SMTN: variants seen among roughly 807,000 people sequenced by gnomAD.
SMTN encodes smoothelin.
In SMTN, 58 loss-of-function variants were observed where a neutral mutation model predicts 102.0. The observed-to-expected ratio is 0.57, with a 90% CI of 0.46 to 0.71. The LOEUF (loss-of-function observed/expected upper bound fraction) is 0.71. Among genes scored for constraint, SMTN ranks in the 30% least tolerant of loss-of-function variants. The pLI is 0.00. For synonymous variants in SMTN, 478 were observed against 497.9 expected (o/e 0.96, Z 0.53); for missense variants, 1,185 against 1,241.7 (o/e 0.95, Z 0.69).
chr22:31,084,940 C>T (rs1276143652), intron 2 of SMTN: 6 of 1,366,420 alleles, frequency 4.4e-6, no homozygotes, highest in Non-Finnish European at 5.6e-6. Context: ...GGCTCCTCCC[C>T]GCGGGGCCGG....
rs149227176 is a variant in SMTN, at chr22:31,099,863, G to A, written c.2570G>A (p.Arg857His). The change falls in exon 19 of 21, where the codon CGC (arginine) becomes CAC (histidine). Residue 857 changes from arginine to histidine, a missense_variant. Arg to His is a conservative substitution (Grantham distance 29, BLOSUM62 0). Coordinates refer to ENST00000333137, the MANE Select transcript of SMTN (RefSeq NM_134269.3). ...GGGCAGCTTAGCCCTCAGAACCGACGCCAGAACTTCGAGGTGGCCTTCTCA... is the reference window on the plus strand; with the variant it reads ...GGGCAGCTTAGCCCTCAGAACCGACACCAGAACTTCGAGGTGGCCTTCTCA... Reference protein sequence around the residue: ...DYGQLSPQNRRQNFEVAFSSA... With the variant: ...DYGQLSPQNRHQNFEVAFSSA... The A allele has an allele frequency of 2.7e-4, 430 of 1,613,896 alleles. No individual in the cohort carries two copies. Among genetic ancestry groups the A allele is most frequent in the Non-Finnish European group, 3.5e-4 (410 of 1,179,926 alleles).
intron 2 of SMTN, 70 bp downstream of exon 2, chr22:31,083,379 C>G: frequency 6.9e-7 from 1 of 1,455,870 alleles, no homozygotes; most frequent in Non-Finnish European, 9.1e-7. Flanking sequence ...ATCCAGGGTA[C>G]CTCTCAGCTG....
chr22:31,093,799 G>A lies in SMTN; in HGVS notation c.1633-1504G>A, dbSNP rs774685302. ...CCTCTTTCAGGCTGCCGAGGATGCC[G>A]GGACCCCCGTGGCCCACCCACCTGC... On this transcript the variant is annotated intron_variant, in intron 11 of 20. Coordinates refer to ENST00000333137, the MANE Select transcript of SMTN (RefSeq NM_134269.3). The A allele has an allele frequency of 1.2e-5, 19 of 1,593,360 alleles. No individual in the cohort carries two copies. The highest frequency in any genetic ancestry group is 4.5e-5 in the South Asian group (4 of 89,566).
intron 1 of SMTN, among the ~76,000 whole-genome samples, chr22:31,075,618 T>C (rs1316265345): frequency 6.6e-6 from 1 of 150,556 alleles, no homozygotes; most frequent in East Asian, 2.0e-4. Context: ...GAGGCAGGGG[T>C]TGCAGTGAGC....
chr22:31,090,142 A>G lies in SMTN; in HGVS notation c.827A>G (p.Gln276Arg). 6.2e-7 allele frequency: 1 copy of G among 1,612,728 alleles called. No homozygotes were observed. Among genetic ancestry groups the G allele is most frequent in the Non-Finnish European group, 8.5e-7 (1 of 1,179,326 alleles). ...LSGPKETPAA[Q>R]SPTRGPSDTK... ...GGCCCCAAAGAGACCCCTGCTGCCC[A>G]GAGCCCCACCAGAGGCCCCTCTGAC... Residue 276 changes from glutamine to arginine, a missense_variant, in exon 8 of 21, where the codon CAG (glutamine) becomes CGG (arginine). Physicochemically the swap from Gln to Arg is conservative, Grantham distance 43. This residue lies in a region of SMTN where 1,096 missense variants were observed against 1,112.7 expected (regional missense o/e 0.98). Transcript: ENST00000333137.
rs150644457 is a variant in SMTN at position 31,088,962 on chromosome 22, A to G, written c.464A>G (p.Gln155Arg). Residue 155 changes from glutamine to arginine, a missense_variant, in exon 6 of 21, where the codon CAG becomes CGG. Gln to Arg is a conservative substitution (Grantham distance 43). Transcript: ENST00000333137. ...SKGLAAHRLE[Q>R]CEVPEREEQE... ...GGGCTAGCGGCACACAGGCTGGAAC[A>G]GTGTGAGGTAAGGAGGGTGGGAGAG... The G allele has an allele frequency of 7.4e-6, 12 of 1,612,968 alleles. No individual in the cohort carries two copies. In the African/African-American group the frequency reaches 1.2e-4, roughly 16 times the overall value.
At position 31,091,327 on chromosome 22, in the gene SMTN, C is replaced by A; in HGVS notation, c.1304C>A (p.Ala435Glu). The A allele has an allele frequency of 6.2e-7, 1 of 1,605,794 alleles. No individual in the cohort carries two copies. The highest frequency in any genetic ancestry group is 8.5e-7 in the Non-Finnish European group (1 of 1,177,824). The change falls in exon 10 of 21, where the codon GCA becomes GAA. Residue 435 changes from alanine to glutamate, a missense_variant. Physicochemically the swap from Ala to Glu is moderately radical, Grantham distance 107. Around this residue, in one of 2 missense-constraint regions of SMTN, gnomAD observed 1,096 missense variants for 1,112.7 expected, o/e 0.98. Coordinates refer to ENST00000333137, the MANE Select transcript of SMTN (RefSeq NM_134269.3). ...PLENRAGGPV[A>E]RSEEPGAPLP... Reference sequence around the variant, plus strand: ...GAAAACAGAGCAGGGGGGCCTGTGGCACGTTCAGAGGAGCCTGGTGCCCCG... The same window carrying A: ...GAAAACAGAGCAGGGGGGCCTGTGGAACGTTCAGAGGAGCCTGGTGCCCCG...
At chr22:31,090,357 C>T (rs1391848664) in intron 8 of SMTN, among the ~76,000 whole-genome samples, 177 bp downstream of exon 8, 1 of 151,932 alleles carries the variant, frequency 6.6e-6, no homozygotes, top group Admixed American at 6.5e-5. Context: ...GCCAGCCTCC[C>T]CCTCCACCCC....
chr22:31,083,478 T>C, intron 2 of SMTN, 169 bp downstream of exon 2: 1 of 784,936 alleles, frequency 1.3e-6, no homozygotes, highest in Non-Finnish European at 2.0e-6. Flanking sequence ...CAGAGGCCCT[T>C]GTGGCATGTG....
Position 31,104,424 on chromosome 22 carries a change from C to G in SMTN, c.*129C>G. ...CCTATGTGCAGTCGCTCTACAACCACCTGCGACGCCACGAACTGCGCCTGC... is the reference window on the plus strand; with the variant it reads ...CCTATGTGCAGTCGCTCTACAACCAGCTGCGACGCCACGAACTGCGCCTGC... On this transcript the variant is annotated 3_prime_UTR_variant, in exon 21 of 21. Coordinates refer to ENST00000333137, the MANE Select transcript of SMTN (RefSeq NM_134269.3). 1 of 1,614,172 alleles carries G rather than the reference C, an allele frequency of 6.2e-7. No individual in the cohort carries two copies. Among genetic ancestry groups the G allele is most frequent in the Non-Finnish European group, 8.5e-7 (1 of 1,180,018 alleles).
At position 31,095,300 on chromosome 22, in the gene SMTN, C is replaced by G; in HGVS notation, c.1633-3C>G. The G allele has an allele frequency of 6.2e-7, 1 of 1,613,422 alleles. No individual in the cohort carries two copies. Among genetic ancestry groups the G allele is most frequent in the Non-Finnish European group, 8.5e-7 (1 of 1,179,928 alleles). On this transcript the variant is annotated splice_polypyrimidine_tract_variant and splice_region_variant and intron_variant, in intron 11 of 20. Transcript: ENST00000333137. The surrounding 1 kb of genome is among the most constrained non-coding windows in gnomAD (Gnocchi z 4.1). ...AAGTCCATGCCCTCTCCCCACCCTG[C>G]AGATGGAAGCAGAGCCAGCAGAGCC...
Position 31,083,129 on chromosome 22 carries a change from T to G in SMTN, c.-80-50T>G. ...AAGTAAGGCACAGAGCCTAAGTGCC[T>G]GTGGTTTCTGGAAGCCCCAGCATGC... is the stretch of plus-strand genomic sequence containing the variant. On this transcript the variant is annotated intron_variant, in intron 1 of 20. Coordinates refer to ENST00000333137, the MANE Select transcript of SMTN (RefSeq NM_134269.3). 5 of 1,551,662 alleles carry G rather than the reference T, an allele frequency of 3.2e-6. No individual in the cohort carries two copies. In the South Asian group the frequency reaches 6.0e-5, roughly 18 times the overall value.
rs2043671781 is a variant in SMTN, at chr22:31,097,327, G to A, written c.2148G>A (p.Lys716=). ...CCTTCTCCTCTTCCTCCTCATCCAA[G>A]AAGATGGGCAGGTGAGCACCAGCAC... ...TKTFSSSSSS[K]KMGSIFDRED... The change falls in exon 16 of 21, where the codon AAG becomes AAA. Residue 716 remains lysine, a synonymous_variant. Transcript: ENST00000333137. The A allele has an allele frequency of 2.5e-6, 4 of 1,613,992 alleles. No homozygotes were observed. Among genetic ancestry groups the A allele is most frequent in the Non-Finnish European group, 3.4e-6 (4 of 1,179,956 alleles).
In SMTN at chr22:31,101,168, G is replaced by A. The variant is rs2044060905; in HGVS notation, c.*20+119G>A. ...GGGGGCATTTAGTCAAGCCAGAGGA[G>A]CCAGACATAGCCCTGTCTTCTGGCA... is the stretch of plus-strand genomic sequence containing the variant. On this transcript the variant is annotated intron_variant, in intron 20 of 20. Transcript: ENST00000333137. 5 of 914,540 alleles carry A rather than the reference G, an allele frequency of 5.5e-6. No individual in the cohort carries two copies. In the East Asian group the frequency reaches 1.3e-4, roughly 24 times the overall value. The allele number at this position is 914,540 out of a possible 1,614,324, so 56.7% of individuals were successfully genotyped here.
intron 1 of SMTN, chr22:31,067,812 C>T (rs909538136): frequency 6.6e-6 from 1 of 152,240 alleles, no homozygotes; most frequent in Non-Finnish European, 1.5e-5. Flanking sequence ...CCTGCCTCAG[C>T]CTCCTGAAGT....
At chr22:31,081,899 TG>T (rs1246552994) in intron 1 of SMTN, among the ~76,000 whole-genome samples, 5 of 152,124 alleles carry the variant, frequency 3.3e-5, no homozygotes, top group Non-Finnish European at 7.4e-5. Flanking sequence ...TGGACAGTCT[TG>T]AAGAGGTTTA....
intron 2 of SMTN, chr22:31,085,189 T>G: frequency 6.5e-7 from 1 of 1,535,458 alleles, no homozygotes; most frequent in South Asian, 1.2e-5. Context: ...CAGCTGGGTG[T>G]CCTGGGGACC....
Position 31,091,358 on chromosome 22 carries a change from C to T in SMTN, c.1335C>T (p.Pro445=), listed in dbSNP as rs562438016. 2.1e-5 allele frequency: 33 copies of T among 1,605,492 alleles called. No individual in the cohort carries two copies. Among genetic ancestry groups the T allele is most frequent in the Non-Finnish European group, 2.7e-5 (32 of 1,178,328 alleles). The change falls in exon 10 of 21, where the codon CCC becomes CCT. Residue 445 remains proline (P), a synonymous_variant. Transcript: ENST00000333137. ...ARSEEPGAPL[P]VAVGTAEPGG... ...CAGAGGAGCCTGGTGCCCCGCTGCC[C>T]GTGGCCGTCGGCACTGCCGAGCCAG...
chr22:31,078,251 T>C (rs1391521529), upstream of SMTN, among the ~76,000 whole-genome samples: 2 of 152,202 alleles, frequency 1.3e-5, no homozygotes, highest in African/African-American at 4.8e-5. Context: ...CTGGGCTTTC[T>C]CTGAAGGACC....
Sources: gnomAD v4.1 joint callset for allele counts (sites outside exome capture counted in the v4.1 genomes callset) on GRCh38, gnomAD v4.1.1 for gene constraint, gnomAD v4.1.1 regional missense constraint, Gnocchi (gnomAD v3.1) non-coding constraint, MANE v1.5 for transcripts, NCBI Gene and HGNC (gene_info 2026-07-23, HGNC 2026-07-21) for gene names.